RELN: variants seen among roughly 807,000 people sequenced by gnomAD.
The protein encoded by RELN is reelin.
A neutral mutation model predicts 427.6 loss-of-function variants in RELN; 108 were observed. That is an observed-to-expected ratio of 0.25 (90% CI 0.22 to 0.30). The LOEUF is 0.30. RELN is among the 10% of genes least tolerant of loss of function. The pLI is 1.00. For synonymous variants in RELN, 1,524 were observed against 1,513.4 expected, an observed-to-expected ratio of 1.01 and a Z score of -0.16; for missense variants, 3,715 against 4,302.8, an observed-to-expected ratio of 0.86 and a Z score of 3.82.
intron 2 of RELN, among the ~76,000 whole-genome samples, chr7:103,900,082 T>C (rs1449206843): frequency 6.6e-6 from 1 of 152,152 alleles, no homozygotes; most frequent in African/African-American, 2.4e-5. Context: ...CTCAAGCTGA[T>C]TAGCAACTTC....
intron 61 of RELN, among the ~76,000 whole-genome samples, chr7:103,485,662 G>T (rs9692335): frequency 0.013 from 2,041 of 152,140 alleles, 42 homozygotes; most frequent in African/African-American, 0.047. Context: ...CATTTGCAAG[G>T]TCTCTGCCCA....
At chr7:103,659,986 T>C (rs1302428045) in intron 12 of RELN, among the ~76,000 whole-genome samples, 2 of 152,134 alleles carry the variant, frequency 1.3e-5, no homozygotes, top group Admixed American at 1.3e-4. Context: ...CAATTCCCCA[T>C]CATAGTAATA....
chr7:103,483,007 T>C (rs1349821975), intron 62 of RELN, 36 bp from the exon 63 acceptor site: 1 of 1,569,506 alleles, frequency 6.4e-7, no homozygotes, highest in South Asian at 1.1e-5. Flanking sequence ...AAGTTATACA[T>C]TAGGAAACAG....
chr7:103,559,086 C>T (rs930757387), intron 36 of RELN, among the ~76,000 whole-genome samples: 4 of 152,116 alleles, frequency 2.6e-5, no homozygotes, highest in African/African-American at 9.7e-5. Context: ...ATTTAAAGCA[C>T]CTAGCACTAC....
chr7:103,707,236 G>A (rs963614967), intron 8 of RELN, among the ~76,000 whole-genome samples: 5 of 151,794 alleles, frequency 3.3e-5, no homozygotes, highest in South Asian at 4.2e-4. Context: ...CTAACTGGGC[G>A]CTCAAAAGAA....
chr7:103,871,159 T>C (rs538304043), intron 2 of RELN, among the ~76,000 whole-genome samples: 3 of 152,218 alleles, frequency 2.0e-5, no homozygotes, highest in Admixed American at 1.3e-4. Flanking sequence ...AGGAAGTGCC[T>C]CAGGGTTAAA....
chr7:103,630,155 T>C lies in RELN; in HGVS notation c.2487A>G (p.Pro829=). The part of the protein sequence containing the change: ...HEPRIISVEL[P]GDAKQFGIQF... ...GAATTCCAAACTGCTTTGCATCACCTGGTAGTTCTACGGAGATTATTCTAG... is the reference window on the plus strand; with the variant it reads ...GAATTCCAAACTGCTTTGCATCACCCGGTAGTTCTACGGAGATTATTCTAG... Residue 829 remains proline (P), a synonymous_variant, in exon 20 of 65, where the codon CCA becomes CCG. Transcript: ENST00000428762. 1 of 1,611,288 alleles carries C rather than the reference T, an allele frequency of 6.2e-7. No homozygotes were observed. The highest frequency in any genetic ancestry group is 8.5e-7 in the Non-Finnish European group (1 of 1,177,810).
Position 103,563,681 on chromosome 7 carries a change from C to A in RELN, c.5210+1597G>T, listed in dbSNP as rs1210850436. Among the ~76,000 whole-genome samples the A allele has an allele frequency of 6.6e-6, 1 of 150,882 alleles. No homozygotes were observed. Among genetic ancestry groups the A allele is most frequent in the African/African-American group, 2.4e-5 (1 of 41,378 alleles). On this transcript the variant is annotated intron_variant, in intron 34 of 64. Transcript: ENST00000428762. This position sits in a 1 kb window ranked among gnomAD's most constrained non-coding sequence, Gnocchi z 4.1. ...TAGGCCTTCACATTCACTCACCACTCACTCACCCACTCACCCAGAGCAACT... is the reference window on the plus strand; with the variant it reads ...TAGGCCTTCACATTCACTCACCACTAACTCACCCACTCACCCAGAGCAACT...
chr7:103,901,999 T>G (rs1184066572), intron 2 of RELN, among the ~76,000 whole-genome samples: 1 of 152,070 alleles, frequency 6.6e-6, no homozygotes, highest in Non-Finnish European at 1.5e-5. Flanking sequence ...GACTTATTAA[T>G]ATATCATGTA....
intron 56 of RELN, 40 bp downstream of exon 56, chr7:103,496,486 G>A: frequency 6.2e-7 from 1 of 1,613,700 alleles, no homozygotes; most frequent in Non-Finnish European, 8.5e-7. Context: ...CAGAAAAATG[G>A]CTCACAGGAA....
At chr7:103,885,543 A>G (rs990070205) in intron 2 of RELN, among the ~76,000 whole-genome samples, 1 of 152,176 alleles carries the variant, frequency 6.6e-6, no homozygotes, top group Non-Finnish European at 1.5e-5. Flanking sequence ...AACAATGAGA[A>G]CACATGGACA....
At chr7:103,473,147 AC>A in intron 64 of RELN, 1 of 620,984 alleles carries the variant, frequency 1.6e-6, no homozygotes, top group Non-Finnish European at 3.0e-6. Context: ...TGAGCTCTGA[AC>A]CAGAAAATAT....
intron 63 of RELN, among the ~76,000 whole-genome samples, chr7:103,481,090 AAT>A (rs1828216715): frequency 6.6e-6 from 1 of 152,208 alleles, no homozygotes; most frequent in Admixed American, 6.5e-5. Context: ...GGGAGCAAGG[AAT>A]AGAGTCCTGT....
At chr7:103,610,441 T>C (rs1584342196) in intron 22 of RELN, among the ~76,000 whole-genome samples, 1 of 152,142 alleles carries the variant, frequency 6.6e-6, no homozygotes, top group African/African-American at 2.4e-5. Context: ...CTGGGGCAAG[T>C]AGGAAAGTCA....
rs549109111 is a variant in RELN, at chr7:103,906,313, C to T, written c.337+10762G>A. The stretch of plus-strand genomic sequence containing the variant: ...TAACCTCCCGCAAGTTACTTATGCT[C>T]TTTTTGCCTTGGGTTCTTTATCCAT... On this transcript the variant is annotated intron_variant, in intron 2 of 64. Coordinates refer to ENST00000428762, the MANE Select transcript of RELN (RefSeq NM_005045.4). Among the ~76,000 whole-genome samples, 127 of 152,210 alleles carry T rather than the reference C, an allele frequency of 8.3e-4. 1 individual carries two copies. Among genetic ancestry groups the T allele is most frequent in the African/African-American group, 2.8e-3 (115 of 41,534 alleles).
chr7:103,642,803 G>A (rs1832720712), intron 16 of RELN, among the ~76,000 whole-genome samples: 1 of 152,156 alleles, frequency 6.6e-6, no homozygotes. Context: ...CTTAAAAAGT[G>A]TGACAGCAAG....
intron 1 of RELN, among the ~76,000 whole-genome samples, chr7:103,920,567 G>GTTTTTTTTTTTTT (rs530809994): frequency 3.0e-5 from 4 of 134,244 alleles, no homozygotes; most frequent in African/African-American, 1.2e-4. Context: ...CCAGTCTTTG[G>GTTTTTTTTTTTTT]TTTTTTTTTT....
intron 46 of RELN, among the ~76,000 whole-genome samples, chr7:103,531,132 T>C (rs549883442): frequency 7.9e-5 from 12 of 152,338 alleles, no homozygotes; most frequent in Middle Eastern, 6.8e-3. Context: ...TCATTTTTAG[T>C]AAATCTTGAC....
chr7:103,743,286 C>A (rs559493922), intron 6 of RELN, among the ~76,000 whole-genome samples: 1 of 152,142 alleles, frequency 6.6e-6, no homozygotes, highest in Non-Finnish European at 1.5e-5. Context: ...AAGGAACAAC[C>A]GGTACCAGCC....
Sources: gnomAD v4.1 joint callset for allele counts (sites outside exome capture counted in the v4.1 genomes callset) on GRCh38, gnomAD v4.1.1 for gene constraint, Gnocchi (gnomAD v3.1) non-coding constraint, MANE v1.5 for transcripts, NCBI Gene and HGNC (gene_info 2026-07-23, HGNC 2026-07-21) for gene names.